Variants in NECAB2 observed in about 807,000 individuals in gnomAD.
NECAB2 encodes N-terminal EF-hand calcium binding protein 2.
A neutral mutation model predicts 51.9 loss-of-function variants in NECAB2; 68 were observed. The ratio of observed to expected loss-of-function variants is 1.31; its 90% confidence interval spans 1.08 to 1.60. The LOEUF is 1.60. Among genes scored for constraint, NECAB2 ranks in the 40% most tolerant of loss-of-function variants. The pLI, the probability that NECAB2 is intolerant of heterozygous loss-of-function variation, is 0.00. For synonymous variants in NECAB2, 329 were observed against 203.5 expected, an observed-to-expected ratio of 1.62 and a Z score of -5.25; for missense variants, 854 against 490.3, an observed-to-expected ratio of 1.74 and a Z score of -7.00.
Position 83,968,768 on chromosome 16 carries a change from GC to G in NECAB2, c.124del (p.Arg42GlyfsTer99), listed in dbSNP as rs1299417029. The G allele has an allele frequency of 9.1e-7, 1 of 1,096,872 alleles. No individual in the cohort carries two copies. The highest frequency in any genetic ancestry group is 1.1e-6 in the Non-Finnish European group (1 of 903,306). The allele number at this position is 1,096,872 out of a possible 1,614,324, so 67.9% of individuals were successfully genotyped here. A position where few individuals can be genotyped will look rare whatever the true frequency, so the allele number is the denominator to read the frequency against. On this transcript the variant is annotated frameshift_variant, in exon 1 of 13. Coordinates refer to ENST00000305202, the MANE Select transcript of NECAB2 (RefSeq NM_019065.3). LOFTEE classifies it high-confidence loss of function. Reference protein sequence around the residue: ...LRWVGARMGEPRESLAPAAPA... With the variant: ...LRWVGARMGEXRESLAPAAPA... ...GCTGGGTGGGCGCCAGGATGGGCGA[GC>G]CCCGGGAGTCGCTGGCCCCCGCCGC...
chr16:83,990,738 T>C, intron 6 of NECAB2, 108 bp downstream of exon 6: 1 of 1,440,692 alleles, frequency 6.9e-7, no homozygotes, highest in Non-Finnish European at 9.3e-7. Flanking sequence ...TGGGTGACCT[T>C]GGGCAAGTTG....
chr16:84,001,889 GAGGCCCTCTCCA>G lies in NECAB2; in HGVS notation c.1106_1117del (p.Glu369_Arg373delinsGly). The G allele has an allele frequency of 1.9e-6, 3 of 1,614,070 alleles. No homozygotes were observed. Among genetic ancestry groups the G allele is most frequent in the Non-Finnish European group, 2.5e-6 (3 of 1,179,934 alleles). On this transcript the variant is annotated inframe_deletion, in exon 12 of 13. Coordinates refer to ENST00000305202, the MANE Select transcript of NECAB2 (RefSeq NM_019065.3). ...CAAGGTGGACACACTGAGCCAGCCTGAGGCCCTCTCCAGGATCTTGGTGCCAGGTAGGGGGCA... is the reference window on the plus strand; with the variant it reads ...CAAGGTGGACACACTGAGCCAGCCTGGGATCTTGGTGCCAGGTAGGGGGCA...
upstream of NECAB2, chr16:83,965,525 G>A (rs748853848): frequency 6.2e-7 from 1 of 1,612,510 alleles, no homozygotes; most frequent in Non-Finnish European, 8.5e-7. Context: ...CTTCCGCCGG[G>A]CCGTGGACGA....
intron 5 of NECAB2, among the ~76,000 whole-genome samples, chr16:83,985,279 C>G (rs2084538337): frequency 8.1e-6 from 1 of 123,608 alleles, no homozygotes; most frequent in African/African-American, 2.9e-5. Flanking sequence ...CGCCATTGCA[C>G]TCCAGCCTGG....
chr16:83,996,382 G>A (rs2084699266), intron 8 of NECAB2, among the ~76,000 whole-genome samples: 1 of 152,198 alleles, frequency 6.6e-6, no homozygotes, highest in Non-Finnish European at 1.5e-5. Flanking sequence ...GAGCGTGCAA[G>A]GTCCCTTGCT....
At chr16:83,984,553 T>C (rs571787623) in intron 5 of NECAB2, among the ~76,000 whole-genome samples, 203 of 151,900 alleles carry the variant, frequency 1.3e-3, no homozygotes, top group Non-Finnish European at 2.3e-3. Context: ...TGGGACCCCG[T>C]TTCTACCAAA....
intron 5 of NECAB2, among the ~76,000 whole-genome samples, chr16:83,989,937 T>G (rs1206614260): frequency 6.6e-6 from 1 of 152,236 alleles, no homozygotes; most frequent in Non-Finnish European, 1.5e-5. Flanking sequence ...TCCCTTCAGC[T>G]GCTTTTGATT....
In NECAB2 at chr16:83,984,330, G is replaced by A. The variant is rs115458503; in HGVS notation, c.459+3203G>A. Among the ~76,000 whole-genome samples, 106 of 151,986 alleles carry A rather than the reference G, an allele frequency of 7.0e-4. 2 individuals carry two copies. The highest frequency in any genetic ancestry group is 2.3e-3 in the African/African-American group (95 of 41,446). The stretch of plus-strand genomic sequence containing the variant: ...AAACAAAACTGCCCTGGGCATAGTC[G>A]TTTTTACAATCAGTCATGCATGGAA... On this transcript the variant is annotated intron_variant, in intron 5 of 12. Coordinates refer to ENST00000305202, the MANE Select transcript of NECAB2 (RefSeq NM_019065.3).
At chr16:83,998,035 C>G (rs886658023) in intron 9 of NECAB2, among the ~76,000 whole-genome samples, 170 bp from the exon 10 acceptor site, 3 of 152,054 alleles carry the variant, frequency 2.0e-5, no homozygotes, top group Non-Finnish European at 2.9e-5. Flanking sequence ...AGGTTCTAGT[C>G]CTTTCTTAGC....
intron 2 of NECAB2, among the ~76,000 whole-genome samples, chr16:83,975,394 G>A (rs1009926166): frequency 2.0e-5 from 3 of 152,052 alleles, no homozygotes; most frequent in Non-Finnish European, 4.4e-5. Flanking sequence ...TGTGGAGGCC[G>A]ATAGGCCCAC....
chr16:83,990,514 C>A lies in NECAB2; in HGVS notation c.480C>A (p.Asn160Lys). The change falls in exon 6 of 13, where the codon AAC becomes AAA. Residue 160 changes from asparagine to lysine, a missense_variant. Physicochemically the swap from Asn to Lys is moderately conservative, Grantham distance 94. Coordinates refer to ENST00000305202, the MANE Select transcript of NECAB2 (RefSeq NM_019065.3). ...YTKKVYEGGSNVDQFVTRFLL... is the reference protein window; with the variant it reads ...YTKKVYEGGSKVDQFVTRFLL... ...CACAGGTATATGAGGGTGGGAGCAA[C>A]GTGGACCAGTTTGTGACCCGCTTCC... 6.2e-7 allele frequency: 1 copy of A among 1,614,060 alleles called. No individual in the cohort carries two copies. Among genetic ancestry groups the A allele is most frequent in the Non-Finnish European group, 8.5e-7 (1 of 1,180,008 alleles).
At chr16:83,975,258 G>T (rs2084395793) in intron 2 of NECAB2, among the ~76,000 whole-genome samples, 1 of 148,946 alleles carries the variant, frequency 6.7e-6, no homozygotes, top group Non-Finnish European at 1.5e-5. Context: ...GAACCGGTGT[G>T]CAGGGAGGCG....
chr16:83,985,123 G>C (rs1027565440), intron 5 of NECAB2, among the ~76,000 whole-genome samples: 3 of 151,672 alleles, frequency 2.0e-5, no homozygotes, highest in African/African-American at 7.3e-5. Flanking sequence ...GACCAGCGTG[G>C]CCAACATGGT....
At chr16:83,974,657 G>A (rs1412501646) in intron 2 of NECAB2, among the ~76,000 whole-genome samples, 1 of 152,194 alleles carries the variant, frequency 6.6e-6, no homozygotes, top group Non-Finnish European at 1.5e-5. Flanking sequence ...GAGATGGCAC[G>A]TGATATTCTT....
chr16:83,985,998 A>G (rs374252580), intron 5 of NECAB2, among the ~76,000 whole-genome samples: 77 of 152,182 alleles, frequency 5.1e-4, no homozygotes, highest in African/African-American at 1.7e-3. Flanking sequence ...TAAAATACAC[A>G]TCAAATATTT....
intron 6 of NECAB2, among the ~76,000 whole-genome samples, chr16:83,991,901 T>A (rs2084630700): frequency 6.6e-6 from 1 of 151,404 alleles, no homozygotes; most frequent in Non-Finnish European, 1.5e-5. Flanking sequence ...GCAATCCTGC[T>A]GTCTCAGTCT....
Position 83,968,288 on chromosome 16 carries a change from G to A in NECAB2, c.-361G>A, listed in dbSNP as rs947424430. ...TGGGAGGGGGGACTTTAGAAGCGGG[G>A]AGAGCAGGAGACTTTTGGGGAGCAG... On this transcript the variant is annotated 5_prime_UTR_variant, in exon 1 of 13. Coordinates refer to ENST00000305202, the MANE Select transcript of NECAB2 (RefSeq NM_019065.3). Among the ~76,000 whole-genome samples the A allele has an allele frequency of 2.0e-5, 3 of 151,286 alleles. No individual in the cohort carries two copies. The highest frequency in any genetic ancestry group is 4.4e-5 in the Non-Finnish European group (3 of 67,706).
intron 10 of NECAB2, 36 bp from the exon 11 acceptor site, chr16:84,000,688 C>A (rs201386310): frequency 1.2e-6 from 2 of 1,605,672 alleles, no homozygotes; most frequent in African/African-American, 1.3e-5. Context: ...CTTGGTTGAG[C>A]TCCAGCCTCC....
At chr16:83,965,579 G>C (rs144212833), upstream of NECAB2, 1 of 1,612,982 alleles carries the variant, frequency 6.2e-7, no homozygotes, top group Admixed American at 1.7e-5. Flanking sequence ...GCTGTACCCC[G>C]AGTACCACAA....
Sources: allele counts gnomAD v4.1 joint callset (sites outside exome capture counted in the v4.1 genomes callset), GRCh38; gene constraint gnomAD v4.1.1; transcripts MANE v1.5; gene names NCBI Gene and HGNC (gene_info 2026-07-23, HGNC 2026-07-21).